Variants in FANCB observed in about 807,000 individuals in gnomAD.
The protein encoded by FANCB is FA complementation group B.
Under a neutral mutation model 38.9 loss-of-function variants are expected in FANCB, and 5 were observed. The observed-to-expected ratio is 0.13, with a 90% CI of 0.07 to 0.27. The LOEUF (loss-of-function observed/expected upper bound fraction) is 0.27, where lower values mean the gene tolerates loss of function less well. Ranked by LOEUF, FANCB falls within the 10% of genes least tolerant of loss-of-function variation. The pLI, the probability that FANCB is intolerant of heterozygous loss-of-function variation, is 1.00. For synonymous variants in FANCB, 236 were observed against 215.4 expected (o/e 1.10, Z -0.84); for missense variants, 573 against 602.7 (o/e 0.95, Z 0.52).
At chrX:14,819,822 T>C in the FANCB span, among the ~76,000 whole-genome samples, 1 of 111,347 alleles carries the variant, frequency 9.0e-6, no homozygotes, top group Non-Finnish European at 1.9e-5. Flanking sequence ...GCCTTACGAC[T>C]ACCCTGATCA....
the FANCB span, chrX:14,730,610 G>T: frequency 2.8e-6 from 1 of 363,334 alleles, no homozygotes; most frequent in Non-Finnish European, 4.8e-6. Context: ...GGGTCATGGG[G>T]GTGGGTTTCC....
At chrX:14,743,442 G>A in the FANCB span, among the ~76,000 whole-genome samples, 76 of 111,039 alleles carry the variant, frequency 6.8e-4, no homozygotes, top group African/African-American at 2.0e-3. Flanking sequence ...CACAGAATCC[G>A]TACTCTTAAT....
chrX:14,710,326 A>T, the FANCB span, among the ~76,000 whole-genome samples: 1 of 112,120 alleles, frequency 8.9e-6, no homozygotes, highest in African/African-American at 3.2e-5. Context: ...GGGGAAAGAA[A>T]GCAGTGGCTA....
chrX:14,727,127 G>T, the FANCB span, among the ~76,000 whole-genome samples: 1 of 111,429 alleles, frequency 9.0e-6, no homozygotes, highest in African/African-American at 3.3e-5. Flanking sequence ...CTAGACCAGT[G>T]GTTTCCAACA....
chrX:14,713,953 G>A, the FANCB span, among the ~76,000 whole-genome samples: 6 of 111,479 alleles, frequency 5.4e-5, no homozygotes, highest in Non-Finnish European at 1.1e-4. Context: ...CTAGAAGCCA[G>A]CAGACCATGT....
At chrX:14,832,598 C>T (rs2092330116), downstream of FANCB, among the ~76,000 whole-genome samples, 1 of 112,120 alleles carries the variant, frequency 8.9e-6, no homozygotes, top group African/African-American at 3.2e-5. Context: ...CCAATTAATA[C>T]AGGGTATTCA....
At chrX:14,748,924 G>C in the FANCB span, among the ~76,000 whole-genome samples, 2 of 112,267 alleles carry the variant, frequency 1.8e-5, no homozygotes, top group Admixed American at 1.9e-4. Context: ...TAGAAGACAG[G>C]AAGATCAGAA....
the FANCB span, among the ~76,000 whole-genome samples, chrX:14,780,973 T>C: frequency 2.7e-5 from 3 of 109,891 alleles, no homozygotes; most frequent in South Asian, 1.1e-3. Flanking sequence ...GACAGTTTAT[T>C]TGGGAGGCAG....
chrX:14,794,033 TTTTG>T, the FANCB span, among the ~76,000 whole-genome samples: 7 of 111,648 alleles, frequency 6.3e-5, no homozygotes, highest in African/African-American at 9.7e-5. Flanking sequence ...TTGTCTGGTT[TTTTG>T]TTTGTTTGTT....
chrX:14,806,095 A>C, the FANCB span, among the ~76,000 whole-genome samples: 335 of 112,260 alleles, frequency 3.0e-3, no homozygotes, highest in African/African-American at 1.0e-2. Flanking sequence ...ATTGTAGTAC[A>C]TACAAGTAAG....
At chrX:14,807,164 G>T in the FANCB span, among the ~76,000 whole-genome samples, 1 of 112,266 alleles carries the variant, frequency 8.9e-6, no homozygotes, top group African/African-American at 3.2e-5. Flanking sequence ...TCAAGCTTGA[G>T]ATGTCACAAT....
At chrX:14,793,441 G>A in the FANCB span, among the ~76,000 whole-genome samples, 1 of 111,972 alleles carries the variant, frequency 8.9e-6, no homozygotes, top group African/African-American at 3.2e-5. Flanking sequence ...TTCTAAAATT[G>A]GTTGTAGTAA....
At chrX:14,752,197 CATT>C in the FANCB span, among the ~76,000 whole-genome samples, 13 of 111,655 alleles carry the variant, frequency 1.2e-4, no homozygotes, top group Admixed American at 3.8e-4. Context: ...ATGTAAAAAT[CATT>C]ATCTGCTAAT....
At chrX:14,812,763 T>C in the FANCB span, among the ~76,000 whole-genome samples, 1 of 110,968 alleles carries the variant, frequency 9.0e-6, no homozygotes, top group Non-Finnish European at 1.9e-5. Flanking sequence ...CCATTCCTTC[T>C]GAAACTATTC....
chrX:14,723,987 C>T, the FANCB span, among the ~76,000 whole-genome samples: 11 of 111,827 alleles, frequency 9.8e-5, no homozygotes, highest in African/African-American at 2.9e-4. Flanking sequence ...ACTGGATCCC[C>T]GGCACATAGC....
chrX:14,839,300 A>AAAC (rs199956382), downstream of FANCB, among the ~76,000 whole-genome samples: 4 of 110,160 alleles, frequency 3.6e-5, no homozygotes, highest in African/African-American at 1.3e-4. Context: ...TCAAAAACAA[A>AAAC]AACAACAACA....
At chrX:14,768,162 T>A in the FANCB span, among the ~76,000 whole-genome samples, 1 of 112,199 alleles carries the variant, frequency 8.9e-6, no homozygotes, top group Admixed American at 9.5e-5. Context: ...TGGTTCCATA[T>A]TAATTTTAAA....
the FANCB span, among the ~76,000 whole-genome samples, chrX:14,719,000 G>T: frequency 9.0e-6 from 1 of 111,638 alleles, no homozygotes; most frequent in African/African-American, 3.3e-5. Flanking sequence ...ACATATTGTT[G>T]TGGCCATCTT....
chrX:14,715,455 C>G, the FANCB span, among the ~76,000 whole-genome samples: 1 of 111,766 alleles, frequency 8.9e-6, no homozygotes, highest in African/African-American at 3.2e-5. Context: ...ATTCTAGGCA[C>G]TGGGGATATC....
Sources: gnomAD v4.1 joint callset for allele counts (sites outside exome capture counted in the v4.1 genomes callset) on GRCh38, gnomAD v4.1.1 for gene constraint, MANE v1.5 for transcripts, NCBI Gene and HGNC (gene_info 2026-07-23, HGNC 2026-07-21) for gene names.